The following PCDH15 variants were observed in gnomAD, a reference collection of about 807,000 sequenced individuals.
PCDH15 encodes protocadherin related 15.
In PCDH15, 129 loss-of-function variants were observed where a neutral mutation model predicts 178.5. The ratio of observed to expected loss-of-function variants is 0.72; its 90% CI spans 0.63 to 0.84. PCDH15 has a LOEUF of 0.84. PCDH15 is among the 40% of genes least tolerant of loss of function. The pLI, the probability that PCDH15 is intolerant of heterozygous loss-of-function variation, is 0.00. For synonymous variants in PCDH15, 800 were observed against 732.0 expected (o/e 1.09, Z -1.50); for missense variants, 2,230 against 2,099.9 (o/e 1.06, Z -1.21).
intron 3 of PCDH15, among the ~76,000 whole-genome samples, chr10:54,391,609 C>G (rs116280522): frequency 0.017 from 2,561 of 151,580 alleles, 71 homozygotes; most frequent in African/African-American, 0.057. Flanking sequence ...ACAACATAAT[C>G]TAATGGGGAA....
intron 10 of PCDH15, among the ~76,000 whole-genome samples, chr10:54,201,684 T>A (rs1016067729): frequency 1.3e-5 from 2 of 152,192 alleles, no homozygotes; most frequent in South Asian, 2.1e-4. Context: ...AATATTTTTT[T>A]AAAAATTAAG....
intron 8 of PCDH15, among the ~76,000 whole-genome samples, chr10:54,309,810 A>G (rs1464771746): frequency 3.3e-5 from 5 of 152,020 alleles, no homozygotes; most frequent in Non-Finnish European, 7.4e-5. Context: ...GAAAAAAAAA[A>G]TACTGTATAT....
chr10:55,157,209 C>T (rs531844553), intron 2 of PCDH15, among the ~76,000 whole-genome samples: 3 of 152,184 alleles, frequency 2.0e-5, no homozygotes, highest in East Asian at 1.9e-4. Flanking sequence ...AAAAAATGCT[C>T]ATCATCACTG....
chr10:55,280,052 A>G (rs914222826), intron 1 of PCDH15, among the ~76,000 whole-genome samples: 3 of 152,108 alleles, frequency 2.0e-5, no homozygotes, highest in Non-Finnish European at 2.9e-5. Flanking sequence ...ATTTTCCAAA[A>G]GTAAGAATTC....
At chr10:55,470,149 G>A (rs537600148) in intron 2 of PCDH15, among the ~76,000 whole-genome samples, 1 of 151,926 alleles carries the variant, frequency 6.6e-6, no homozygotes, top group Non-Finnish European at 1.5e-5. Flanking sequence ...TCAGGAGTTC[G>A]AGACCAGCCT....
At chr10:55,075,242 C>G (rs1255828806) in intron 2 of PCDH15, among the ~76,000 whole-genome samples, 1 of 152,050 alleles carries the variant, frequency 6.6e-6, no homozygotes, top group East Asian at 1.9e-4. Flanking sequence ...GTGTTCATAA[C>G]AGTCTCTAAT....
At chr10:54,107,820 C>A (rs141127106) in intron 15 of PCDH15, among the ~76,000 whole-genome samples, 4 of 152,204 alleles carry the variant, frequency 2.6e-5, no homozygotes, top group Non-Finnish European at 5.9e-5. Context: ...GTTGCCACAG[C>A]AGCCTGGCAT....
intron 17 of PCDH15, among the ~76,000 whole-genome samples, chr10:54,072,392 T>C (rs576810624): frequency 6.6e-6 from 1 of 152,290 alleles, no homozygotes; most frequent in East Asian, 1.9e-4. Flanking sequence ...ATTCATGATG[T>C]AGAGTGGAGG....
intron 1 of PCDH15, among the ~76,000 whole-genome samples, chr10:55,279,025 C>A (rs775811163): frequency 4.6e-5 from 7 of 152,120 alleles, no homozygotes; most frequent in Non-Finnish European, 8.8e-5. Context: ...GTGAGTTGGG[C>A]AATAGGTGTG....
At chr10:54,076,233 T>C (rs1210369653) in intron 17 of PCDH15, among the ~76,000 whole-genome samples, 1 of 152,162 alleles carries the variant, frequency 6.6e-6, no homozygotes, top group Admixed American at 6.5e-5. Flanking sequence ...GCAAATTGAA[T>C]TGTTTTCTTA....
At chr10:55,385,210 C>T (rs531037718) in intron 2 of PCDH15, among the ~76,000 whole-genome samples, 16 of 152,000 alleles carry the variant, frequency 1.1e-4, no homozygotes, top group African/African-American at 3.4e-4. Flanking sequence ...GGCAGCTTTC[C>T]GGGATGCCAA....
chr10:54,720,714 T>A (rs1213734244), intron 1 of PCDH15, among the ~76,000 whole-genome samples: 1 of 151,996 alleles, frequency 6.6e-6, no homozygotes, highest in Non-Finnish European at 1.5e-5. Flanking sequence ...TATATGTGCA[T>A]CCAACACCAG....
At chr10:55,519,702 AGATT>A (rs1376363429) in intron 2 of PCDH15, among the ~76,000 whole-genome samples, 1 of 151,662 alleles carries the variant, frequency 6.6e-6, no homozygotes, top group Non-Finnish European at 1.5e-5. Flanking sequence ...AATGTATGAT[AGATT>A]TTCTCCAAAA....
chr10:53,973,072 A>C (rs2089878728), intron 21 of PCDH15, among the ~76,000 whole-genome samples: 1 of 152,188 alleles, frequency 6.6e-6, no homozygotes, highest in African/African-American at 2.4e-5. Context: ...CCGGATTAAG[A>C]AAATGTGGCA....
intron 2 of PCDH15, among the ~76,000 whole-genome samples, chr10:55,359,769 C>CAT (rs1221872966): frequency 9.8e-4 from 138 of 140,390 alleles, no homozygotes; most frequent in African/African-American, 3.2e-3. Context: ...CACACACACA[C>CAT]ACATATATAT....
chr10:53,976,149 G>A (rs773756305), intron 21 of PCDH15, among the ~76,000 whole-genome samples: 6 of 152,006 alleles, frequency 3.9e-5, no homozygotes, highest in African/African-American at 9.7e-5. Context: ...TACCAGTACC[G>A]TGTTGTTTTG....
At chr10:53,822,018 A>C (rs202223635) in intron 32 of PCDH15, 1 of 1,613,960 alleles carries the variant, frequency 6.2e-7, no homozygotes, top group Non-Finnish European at 8.5e-7. Context: ...GTTTTTTTCT[A>C]TTTGACTGTA....
intron 20 of PCDH15, among the ~76,000 whole-genome samples, chr10:54,001,671 A>T (rs1376599673): frequency 4.6e-5 from 7 of 152,260 alleles, no homozygotes; most frequent in Admixed American, 4.6e-4. Context: ...GACAAACCAT[A>T]AGACAACCAG....
At position 55,538,397 on chromosome 10, in the gene PCDH15, T is replaced by C. The variant is rs539425346; in HGVS notation, c.-156+89228A>G. On this transcript the variant is annotated intron_variant, in intron 2 of 5. Transcript: ENST00000613346. ...CTTTTCCTTCCTTCCTTCCTTCCTT[T>C]CTTCCTTCCTTCCTTCCTCCCTCCC... is the stretch of plus-strand genomic sequence containing the variant. 7.1e-3 allele frequency among the ~76,000 whole-genome samples: 946 copies of C among 133,518 alleles called. 49 individuals are homozygous for C. Among genetic ancestry groups the C allele is most frequent in the African/African-American group, 0.024 (851 of 35,604 alleles). The allele number at this position is 133,518 out of a possible 152,430, so 87.6% of individuals were successfully genotyped here.
Sources: allele counts gnomAD v4.1 joint callset (sites outside exome capture counted in the v4.1 genomes callset), GRCh38; gene constraint gnomAD v4.1.1; transcripts MANE v1.5; gene names NCBI Gene and HGNC (gene_info 2026-07-23, HGNC 2026-07-21).